The following IFI16 variants were observed in gnomAD, a reference collection of about 807,000 sequenced individuals.
The protein encoded by IFI16 is gamma-interferon-inducible protein 16.
In IFI16, 49 loss-of-function variants were observed where a neutral mutation model predicts 68.4. That is an observed-to-expected ratio of 0.72 (90% CI 0.57 to 0.91). IFI16 has a LOEUF of 0.91. Ranked by LOEUF, IFI16 falls within the 40% of genes least tolerant of loss-of-function variation. The pLI, the probability that IFI16 is intolerant of heterozygous loss-of-function variation, is 0.00. For synonymous variants in IFI16, 307 were observed against 315.0 expected (o/e 0.97, Z 0.27); for missense variants, 878 against 942.9 (o/e 0.93, Z 0.90).
rs1343934970 is a variant in IFI16 at position 159,054,841 on chromosome 1, C to T, written c.2298C>T (p.Asn766=). ...SHIKVIKTRK[N]KKDILNPDSS... ...TCAAGGTCATCAAGACCAGGAAAAA[C>T]AAGAAAGACATACTCAATCCTGATT... is the stretch of plus-strand genomic sequence containing the variant. Residue 766 remains asparagine (N), a synonymous_variant, in exon 12 of 12, where the codon AAC becomes AAT. Coordinates refer to ENST00000295809, the MANE Select transcript of IFI16 (RefSeq NM_001376587.1). 1 of 1,600,928 alleles carries T rather than the reference C, an allele frequency of 6.2e-7. No homozygotes were observed.
rs1653087706 is a variant in IFI16, at chr1:159,018,484, A to G, written c.805A>G (p.Ser269Gly). The stretch of plus-strand genomic sequence containing the variant: ...CATATCAGATTATTTGGAATATGAT[A>G]GTCTCCTAGAGGTCAATGAAGAATC... ...IIISDYLEYDSLLEVNEESTV... is the reference protein window; with the variant it reads ...IIISDYLEYDGLLEVNEESTV... Residue 269 changes from serine (S) to glycine (G), a missense_variant, in exon 5 of 12, where the codon AGT becomes GGT. Around this residue, in one of 4 missense-constraint regions of IFI16, gnomAD observed 443 missense variants for 421.8 expected, o/e 1.05. Coordinates refer to ENST00000295809, the MANE Select transcript of IFI16 (RefSeq NM_001376587.1). 2 of 1,613,934 alleles carry G rather than the reference A, an allele frequency of 1.2e-6. No homozygotes were observed. Among genetic ancestry groups the G allele is most frequent in the Non-Finnish European group, 1.7e-6 (2 of 1,179,766 alleles).
chr1:159,002,076 A>T (rs1297174701), upstream of IFI16, among the ~76,000 whole-genome samples: 1 of 152,228 alleles, frequency 6.6e-6, no homozygotes, highest in South Asian at 2.1e-4. Context: ...GATAATTCCT[A>T]TCTCCAGGTT....
At chr1:159,002,519 A>T (rs76845026), upstream of IFI16, among the ~76,000 whole-genome samples, 6,718 of 152,216 alleles carry the variant, frequency 0.044, 392 homozygotes, top group East Asian at 0.26. Context: ...TCCTTCAATG[A>T]ACACATGCTG....
At chr1:159,008,758 G>A (rs756471856), upstream of IFI16, among the ~76,000 whole-genome samples, 3 of 152,092 alleles carry the variant, frequency 2.0e-5, no homozygotes, top group Non-Finnish European at 4.4e-5. Flanking sequence ...GATCCTCTTT[G>A]CTTTTTCTTG....
At chr1:159,001,596 C>T (rs1652062475), upstream of IFI16, among the ~76,000 whole-genome samples, 1 of 151,980 alleles carries the variant, frequency 6.6e-6, no homozygotes, top group African/African-American at 2.4e-5. Context: ...CCTGTCTTAC[C>T]AGTGAAAGAA....
upstream of IFI16, among the ~76,000 whole-genome samples, chr1:159,004,564 G>A (rs550429559): frequency 6.6e-6 from 1 of 152,216 alleles, no homozygotes; most frequent in South Asian, 2.1e-4. Context: ...AATTAGCCAG[G>A]CTTGATGGTG....
At chr1:159,015,676 G>A in intron 2 of IFI16, 196 bp from the exon 3 acceptor site, 1 of 557,248 alleles carries the variant, frequency 1.8e-6, no homozygotes. Flanking sequence ...ATGAGTCAGT[G>A]CTTGTTCCTG....
intron 2 of IFI16, among the ~76,000 whole-genome samples, chr1:159,015,234 A>C (rs933128885): frequency 6.6e-6 from 1 of 152,226 alleles, no homozygotes; most frequent in African/African-American, 2.4e-5. Flanking sequence ...AGATTATATA[A>C]TAATAAAATC....
chr1:159,039,188 G>T (rs372656169), intron 7 of IFI16, among the ~76,000 whole-genome samples: 80 of 152,264 alleles, frequency 5.3e-4, no homozygotes, highest in African/African-American at 1.5e-3. Flanking sequence ...CAGGATGAAG[G>T]CTATAATACT....
intron 7 of IFI16, among the ~76,000 whole-genome samples, chr1:159,037,019 C>T (rs946098866): frequency 5.9e-5 from 9 of 152,304 alleles, no homozygotes; most frequent in African/African-American, 2.2e-4. Flanking sequence ...CCTATCATGA[C>T]TGTTTGCCAT....
At chr1:159,014,288 A>T (rs1234029525) in intron 1 of IFI16, among the ~76,000 whole-genome samples, 1 of 152,226 alleles carries the variant, frequency 6.6e-6, no homozygotes, top group African/African-American at 2.4e-5. Context: ...TGGGTGTGGG[A>T]AGATTTAAGA....
At chr1:159,028,740 T>TAAA (rs1653815784) in intron 6 of IFI16, among the ~76,000 whole-genome samples, 2 of 136,250 alleles carry the variant, frequency 1.5e-5, no homozygotes, top group Non-Finnish European at 3.1e-5. Flanking sequence ...CTAGTTCTTT[T>TAAA]AGCATTATGT....
intron 7 of IFI16, among the ~76,000 whole-genome samples, chr1:159,034,974 G>A (rs1633261): frequency 0.99 from 150,339 of 152,292 alleles, 74,231 homozygotes; most frequent in East Asian, 1. Flanking sequence ...CTGAGGGTTC[G>A]GAAGCCTGTA....
chr1:159,031,133 G>C (rs932196340), intron 6 of IFI16, among the ~76,000 whole-genome samples: 1 of 152,036 alleles, frequency 6.6e-6, no homozygotes, highest in Non-Finnish European at 1.5e-5. Flanking sequence ...GTAGTTACAG[G>C]CCTCATCCAG....
intron 8 of IFI16, among the ~76,000 whole-genome samples, chr1:159,048,742 A>G (rs1655153279): frequency 6.6e-6 from 1 of 151,552 alleles, no homozygotes; most frequent in Non-Finnish European, 1.5e-5. Context: ...TTGGACTTCC[A>G]TTAGTTTAAT....
intron 6 of IFI16, among the ~76,000 whole-genome samples, chr1:159,031,870 G>A (rs1654020311): frequency 6.6e-6 from 1 of 152,166 alleles, no homozygotes; most frequent in African/African-American, 2.4e-5. Context: ...TTAGGAGGGT[G>A]GGGAACCAAT....
chr1:159,031,902 A>G (rs1654022302), intron 6 of IFI16, among the ~76,000 whole-genome samples: 1 of 152,230 alleles, frequency 6.6e-6, no homozygotes, highest in Non-Finnish European at 1.5e-5. Context: ...GCCAAAAGCA[A>G]GGACTTTGGA....
upstream of IFI16, among the ~76,000 whole-genome samples, chr1:159,007,023 C>T (rs1021644352): frequency 5.3e-5 from 8 of 151,800 alleles, no homozygotes; most frequent in African/African-American, 1.9e-4. Flanking sequence ...CTAGGAAATA[C>T]AAGATAATAC....
intron 7 of IFI16, among the ~76,000 whole-genome samples, chr1:159,044,147 T>C (rs1258705343): frequency 6.6e-6 from 1 of 152,170 alleles, no homozygotes; most frequent in East Asian, 1.9e-4. Flanking sequence ...AATTATTCTT[T>C]ATAACACCAT....
Sources: allele counts gnomAD v4.1 joint callset (sites outside exome capture counted in the v4.1 genomes callset), GRCh38; gene constraint gnomAD v4.1.1; regional missense constraint gnomAD v4.1.1; transcripts MANE v1.5; gene names NCBI Gene and HGNC (gene_info 2026-07-23, HGNC 2026-07-21).